The following BDH2 variants were observed in gnomAD, a reference collection of about 807,000 sequenced individuals.
BDH2 encodes the protein 3-hydroxybutyrate dehydrogenase 2.
BDH2 carries 24 observed loss-of-function variants against 33.2 expected under a neutral mutation model. The observed-to-expected ratio is 0.72, with a 90% CI of 0.52 to 1.02. The LOEUF (loss-of-function observed/expected upper bound fraction) is 1.02. BDH2 is among the 50% of genes least tolerant of loss of function. BDH2 has a pLI of 0.00. For synonymous variants in BDH2, 81 were observed against 101.6 expected, an observed-to-expected ratio of 0.80 and a Z score of 1.22; for missense variants, 249 against 301.6, an observed-to-expected ratio of 0.83 and a Z score of 1.29.
intron 1 of BDH2, chr4:103,097,575 C>T (rs1211290492): frequency 6.6e-6 from 1 of 152,166 alleles, no homozygotes; most frequent in Non-Finnish European, 1.5e-5. Context: ...GCATCATATC[C>T]ACATTTCAGG....
At chr4:103,095,482 C>T (rs1191786286) in intron 2 of BDH2, among the ~76,000 whole-genome samples, 1 of 152,096 alleles carries the variant, frequency 6.6e-6, no homozygotes, top group Non-Finnish European at 1.5e-5. Flanking sequence ...ATGTGACATA[C>T]ATTGTGCTTG....
chr4:103,096,051 TAAGAC>T, intron 2 of BDH2, 127 bp downstream of exon 2: 1 of 597,582 alleles, frequency 1.7e-6, no homozygotes, highest in Non-Finnish European at 2.9e-6. Context: ...TTTTATAACT[TAAGAC>T]AACAGAAGCA....
chr4:103,090,796 T>C (rs1450842225), intron 5 of BDH2, among the ~76,000 whole-genome samples: 1 of 152,180 alleles, frequency 6.6e-6, no homozygotes, highest in African/African-American at 2.4e-5. Flanking sequence ...AGGGGCCGCA[T>C]TGATATCCTA....
In BDH2 at chr4:103,079,446, C is replaced by T. The variant is rs574679218; in HGVS notation, c.*256G>A. 4.1e-5 allele frequency: 18 copies of T among 437,174 alleles called. No homozygotes were observed. Among genetic ancestry groups the T allele is most frequent in the South Asian group, 2.6e-4 (9 of 34,602 alleles). The allele number at this position is 437,174 out of a possible 1,614,324, so 27.1% of individuals were successfully genotyped here. A position where few individuals can be genotyped will look rare whatever the true frequency, so the allele number is the denominator to read the frequency against. ...GTGACTAAGACAGATGCTAACAAAT[C>T]GAGATTTATTTTAAAAACTATTCTC... On this transcript the variant is annotated 3_prime_UTR_variant, in exon 10 of 10. Coordinates refer to ENST00000296424, the MANE Select transcript of BDH2 (RefSeq NM_020139.4).
intron 2 of BDH2, among the ~76,000 whole-genome samples, chr4:103,095,547 AT>A (rs1748361703): frequency 6.6e-6 from 1 of 152,222 alleles, no homozygotes; most frequent in African/African-American, 2.4e-5. Context: ...TCTTAAAAAA[AT>A]GACAGCTGTT....
At position 103,079,676 on chromosome 4, in the gene BDH2, T is replaced by G; in HGVS notation, c.*26A>C. On this transcript the variant is annotated 3_prime_UTR_variant, in exon 10 of 10. Coordinates refer to ENST00000296424, the MANE Select transcript of BDH2 (RefSeq NM_020139.4). ...CACTGTGGATAGGAAGGGCCTGCCT[T>G]CCTTCCCACCATGGAGATCCTAAAA... The G allele has an allele frequency of 6.2e-7, 1 of 1,610,638 alleles. No homozygotes were observed. Among genetic ancestry groups the G allele is most frequent in the Non-Finnish European group, 8.5e-7 (1 of 1,177,210 alleles).
chr4:103,084,923 T>A (rs77393598), intron 7 of BDH2, among the ~76,000 whole-genome samples: 1 of 88,358 alleles, frequency 1.1e-5, no homozygotes, highest in Non-Finnish European at 2.3e-5. Flanking sequence ...CCACCCCCCA[T>A]TATCAATTGT....
At chr4:103,094,553 T>C (rs1168963371) in intron 3 of BDH2, among the ~76,000 whole-genome samples, 1 of 152,126 alleles carries the variant, frequency 6.6e-6, no homozygotes, top group Non-Finnish European at 1.5e-5. Context: ...CTTGAATATA[T>C]GCAATTTTTA....
intron 4 of BDH2, among the ~76,000 whole-genome samples, chr4:103,092,138 C>G (rs1216451837): frequency 6.6e-6 from 1 of 152,188 alleles, no homozygotes; most frequent in Non-Finnish European, 1.5e-5. Context: ...TCTGCTATTT[C>G]AGTCAGAATG....
At chr4:103,092,122 C>T (rs1748132718) in intron 4 of BDH2, among the ~76,000 whole-genome samples, 1 of 152,118 alleles carries the variant, frequency 6.6e-6, no homozygotes, top group African/African-American at 2.4e-5. Context: ...TTCCATGTAC[C>T]AAAGCTCTGC....
In BDH2 at chr4:103,077,769, TACACGAAAAGAA is replaced by T. The variant is rs1399756642; in HGVS notation, c.*1921_*1932del. ...AGAAGTTACAGCATTTTGATTATGATACACGAAAAGAAACCCAAGTCATTTAGCTTAACTCCT... is the reference window on the plus strand; with the variant it reads ...AGAAGTTACAGCATTTTGATTATGATACCCAAGTCATTTAGCTTAACTCCT... On this transcript the variant is annotated 3_prime_UTR_variant, in exon 10 of 10. Coordinates refer to ENST00000296424, the MANE Select transcript of BDH2 (RefSeq NM_020139.4). Among the ~76,000 whole-genome samples the T allele has an allele frequency of 1.3e-5, 2 of 152,242 alleles. No individual in the cohort carries two copies. Among genetic ancestry groups the T allele is most frequent in the Non-Finnish European group, 2.9e-5 (2 of 68,042 alleles).
At position 103,085,457 on chromosome 4, in the gene BDH2, C is replaced by T; in HGVS notation, c.424G>A (p.Val142Met). 1 of 1,612,084 alleles carries T rather than the reference C, an allele frequency of 6.2e-7. No individual in the cohort carries two copies. Among genetic ancestry groups the T allele is most frequent in the Non-Finnish European group, 8.5e-7 (1 of 1,178,790 alleles). ...GTTGTGCTGTACACACATCTGTTCA[C>T]AACTCCTGAGGGTGGAGGAAAGGTT... ...SSVASSVKGV[V>M]NRCVYSTTKA... is the part of the protein sequence containing the mutation. The change falls in exon 7 of 10, where the codon GTG becomes ATG. Residue 142 changes from valine (V) to methionine (M), a missense_variant. Physicochemically the swap from Val to Met is conservative, Grantham distance 21. Transcript: ENST00000296424.
At chr4:103,089,186 A>G (rs911719977) in intron 5 of BDH2, among the ~76,000 whole-genome samples, 1 of 152,198 alleles carries the variant, frequency 6.6e-6, no homozygotes. Context: ...AAGTTCTAAC[A>G]TGGGATATGT....
chr4:103,085,486 C>A, intron 6 of BDH2, 24 bp from the exon 7 acceptor site: 1 of 1,580,486 alleles, frequency 6.3e-7, no homozygotes, highest in Non-Finnish European at 8.7e-7. Flanking sequence ...AAAGGTTCAA[C>A]AATTGAAGGA....
At chr4:103,097,686 T>C (rs1748476835) in intron 1 of BDH2, 1 of 152,236 alleles carries the variant, frequency 6.6e-6, no homozygotes, top group Admixed American at 6.5e-5. Context: ...TGCAGTTCAT[T>C]CACCAGATCT....
At chr4:103,088,147 T>C (rs1747887838) in intron 5 of BDH2, among the ~76,000 whole-genome samples, 1 of 152,196 alleles carries the variant, frequency 6.6e-6, no homozygotes, top group African/African-American at 2.4e-5. Flanking sequence ...GTGTTTTATA[T>C]AATAAAGAGG....
Position 103,078,284 on chromosome 4 carries a change from C to T in BDH2, c.*1418G>A, listed in dbSNP as rs1174305363. 5.3e-5 allele frequency among the ~76,000 whole-genome samples: 8 copies of T among 152,220 alleles called. No individual in the cohort carries two copies. The highest frequency in any genetic ancestry group is 3.3e-4 in the Admixed American group (5 of 15,288). ...TTGAAAAATTTATTTTCTTTAATTT[C>T]GTTTGTTTCCTGTTACATAATTTAT... On this transcript the variant is annotated 3_prime_UTR_variant, in exon 10 of 10. Coordinates refer to ENST00000296424, the MANE Select transcript of BDH2 (RefSeq NM_020139.4).
At chr4:103,087,725 A>G (rs1402527237) in intron 5 of BDH2, among the ~76,000 whole-genome samples, 1 of 152,244 alleles carries the variant, frequency 6.6e-6, no homozygotes, top group East Asian at 1.9e-4. Flanking sequence ...CCTGTCCTAT[A>G]GCTAAATAAA....
chr4:103,095,321 GA>G, intron 2 of BDH2, 40 bp from the exon 3 acceptor site: 1 of 1,469,628 alleles, frequency 6.8e-7, no homozygotes, highest in South Asian at 1.1e-5. Flanking sequence ...TTGTTTACTT[GA>G]ATAAACTGTG....
Sources: gnomAD v4.1 joint callset for allele counts (sites outside exome capture counted in the v4.1 genomes callset) on GRCh38, gnomAD v4.1.1 for gene constraint, MANE v1.5 for transcripts, NCBI Gene and HGNC (gene_info 2026-07-23, HGNC 2026-07-21) for gene names.